SPATA16: variants seen among roughly 807,000 people sequenced by gnomAD.
SPATA16 encodes the protein spermatogenesis-associated protein 16.
Under a neutral mutation model 63.3 loss-of-function variants are expected in SPATA16, and 36 were observed. The ratio of observed to expected loss-of-function variants is 0.57; its 90% CI spans 0.44 to 0.75. SPATA16 has a LOEUF of 0.75. Among genes scored for constraint, SPATA16 ranks in the 30% least tolerant of loss-of-function variants. SPATA16 has a pLI of 0.00. For missense variants in SPATA16, 646 were observed against 679.3 expected (o/e 0.95, Z 0.54); for synonymous variants, 203 against 216.7 (o/e 0.94, Z 0.56).
At chr3:173,064,369 T>C (rs1179425461) in intron 2 of SPATA16, among the ~76,000 whole-genome samples, 1 of 140,558 alleles carries the variant, frequency 7.1e-6, no homozygotes, top group Non-Finnish European at 1.5e-5. Context: ...CCAATAATCC[T>C]CAAGTTCAAT....
chr3:173,030,277 CAG>C (rs1172850669), intron 3 of SPATA16, among the ~76,000 whole-genome samples: 1 of 152,006 alleles, frequency 6.6e-6, no homozygotes. Context: ...ACAATATAAA[CAG>C]AGTAACACAG....
chr3:173,050,471 G>T (rs1488585482), intron 2 of SPATA16, among the ~76,000 whole-genome samples: 1 of 151,944 alleles, frequency 6.6e-6, no homozygotes, highest in Admixed American at 6.6e-5. Context: ...GCCAAAGTTG[G>T]TCTCTTTACA....
At chr3:173,133,888 G>A (rs1279604654) in intron 1 of SPATA16, among the ~76,000 whole-genome samples, 2 of 151,996 alleles carry the variant, frequency 1.3e-5, no homozygotes, top group Non-Finnish European at 2.9e-5. Context: ...CTGTAACAAA[G>A]AACATCAGAA....
At chr3:173,108,357 TATA>T (rs1315401392) in intron 2 of SPATA16, among the ~76,000 whole-genome samples, 3 of 152,202 alleles carry the variant, frequency 2.0e-5, no homozygotes, top group Admixed American at 6.5e-5. Context: ...TACATTTTTA[TATA>T]ATATTTTTAA....
chr3:172,959,452 C>T (rs1033627834), intron 5 of SPATA16, among the ~76,000 whole-genome samples: 4 of 152,204 alleles, frequency 2.6e-5, no homozygotes, highest in African/African-American at 9.6e-5. Flanking sequence ...TCTCTCCCCA[C>T]TGAGAACCAA....
intron 6 of SPATA16, among the ~76,000 whole-genome samples, chr3:172,939,347 AGT>A (rs751003517): frequency 2.6e-5 from 4 of 152,304 alleles, no homozygotes; most frequent in Non-Finnish European, 5.9e-5. Flanking sequence ...GGTTCATAAA[AGT>A]GTGGGGATTT....
At chr3:173,010,383 G>A (rs183297481) in intron 4 of SPATA16, among the ~76,000 whole-genome samples, 3 of 152,036 alleles carry the variant, frequency 2.0e-5, no homozygotes, top group African/African-American at 7.3e-5. Flanking sequence ...CCACTGGTTG[G>A]GGCTCCCAGC....
intron 2 of SPATA16, among the ~76,000 whole-genome samples, chr3:173,054,978 A>G (rs770508170): frequency 2.6e-5 from 4 of 152,228 alleles, no homozygotes; most frequent in Non-Finnish European, 5.9e-5. Context: ...ATCTAATTTG[A>G]AAGTGAACAA....
chr3:173,028,027 C>CTTCT, intron 3 of SPATA16, among the ~76,000 whole-genome samples: 1 of 44,502 alleles, frequency 2.2e-5, no homozygotes. Flanking sequence ...TCCTTCTTTC[C>CTTCT]TTCCTTCCTT....
At chr3:173,030,635 A>G (rs1735583223) in intron 3 of SPATA16, among the ~76,000 whole-genome samples, 1 of 152,106 alleles carries the variant, frequency 6.6e-6, no homozygotes, top group Non-Finnish European at 1.5e-5. Context: ...GTGGGATTGT[A>G]AAATGATGCA....
intron 5 of SPATA16, among the ~76,000 whole-genome samples, chr3:172,960,593 C>T (rs572683754): frequency 6.6e-6 from 1 of 152,272 alleles, no homozygotes; most frequent in East Asian, 1.9e-4. Flanking sequence ...GAACCCCTTG[C>T]TACCTTAGAA....
intron 2 of SPATA16, among the ~76,000 whole-genome samples, chr3:173,065,221 A>G (rs1047509423): frequency 3.2e-4 from 48 of 152,146 alleles, no homozygotes; most frequent in Non-Finnish European, 2.9e-5. Context: ...ACAGTCCACA[A>G]ACTTATTTGA....
intron 5 of SPATA16, among the ~76,000 whole-genome samples, chr3:172,962,743 C>CTA (rs71300456): frequency 0.099 from 15,059 of 151,970 alleles, 979 homozygotes; most frequent in East Asian, 0.15. Flanking sequence ...GGAAGCAGTA[C>CTA]TATACTTGCA....
At chr3:173,102,642 TC>T (rs1737524520) in intron 2 of SPATA16, among the ~76,000 whole-genome samples, 1 of 151,822 alleles carries the variant, frequency 6.6e-6, no homozygotes, top group East Asian at 1.9e-4. Context: ...CCCAAACACC[TC>T]CCCCCAGGCC....
intron 2 of SPATA16, among the ~76,000 whole-genome samples, chr3:173,070,621 C>A (rs1438618906): frequency 1.3e-5 from 2 of 152,118 alleles, no homozygotes; most frequent in Non-Finnish European, 2.9e-5. Flanking sequence ...AGCAAAATTG[C>A]AGGATACAAA....
At chr3:173,011,606 G>C (rs1032272406) in intron 4 of SPATA16, among the ~76,000 whole-genome samples, 1 of 151,986 alleles carries the variant, frequency 6.6e-6, no homozygotes, top group African/African-American at 2.4e-5. Context: ...GTCCTAGCCG[G>C]CAAACTTAGG....
chr3:173,071,549 A>C (rs1200305083), intron 2 of SPATA16, among the ~76,000 whole-genome samples: 2 of 152,206 alleles, frequency 1.3e-5, no homozygotes, highest in African/African-American at 4.8e-5. Flanking sequence ...AAATATTTGC[A>C]GACTACCCAT....
At chr3:172,902,819 G>A (rs1732150409) in intron 10 of SPATA16, among the ~76,000 whole-genome samples, 2 of 152,274 alleles carry the variant, frequency 1.3e-5, no homozygotes, top group Admixed American at 6.5e-5. Flanking sequence ...TGGAATTTGT[G>A]TGTGTTTTAG....
intron 9 of SPATA16, among the ~76,000 whole-genome samples, chr3:172,915,402 G>A (rs532183953): frequency 6.6e-6 from 1 of 152,102 alleles, no homozygotes; most frequent in Non-Finnish European, 1.5e-5. Flanking sequence ...CTCAAAGGGG[G>A]AGGGTTTCTT....
Sources: gnomAD v4.1 joint callset for allele counts (sites outside exome capture counted in the v4.1 genomes callset) on GRCh38, gnomAD v4.1.1 for gene constraint, MANE v1.5 for transcripts, NCBI Gene and HGNC (gene_info 2026-07-23, HGNC 2026-07-21) for gene names.